The following SV2C variants were observed in gnomAD, a reference collection of about 807,000 sequenced individuals.
SV2C encodes the protein synaptic vesicle glycoprotein 2C.
A neutral mutation model predicts 79.7 loss-of-function variants in SV2C; 49 were observed. The observed-to-expected ratio is 0.61, with a 90% confidence interval of 0.49 to 0.78. SV2C has a LOEUF of 0.78. Among genes scored for constraint, SV2C ranks in the 30% least tolerant of loss-of-function variants. SV2C has a pLI of 0.00. For synonymous variants in SV2C, 334 were observed against 333.2 expected (o/e 1.00, Z -0.03); for missense variants, 833 against 912.9 (o/e 0.91, Z 1.13).
the SV2C span, among the ~76,000 whole-genome samples, chr5:75,893,932 A>G: frequency 6.6e-6 from 1 of 152,212 alleles, no homozygotes; most frequent in African/African-American, 2.4e-5. Flanking sequence ...CAGCCAGTCC[A>G]GTTGACTGGA....
chr5:75,949,902 C>G, the SV2C span, among the ~76,000 whole-genome samples: 2 of 151,968 alleles, frequency 1.3e-5, no homozygotes, highest in African/African-American at 2.4e-5. Flanking sequence ...TAAATTATAG[C>G]CCACAGGATT....
chr5:76,020,355 T>C, the SV2C span, among the ~76,000 whole-genome samples: 1 of 152,180 alleles, frequency 6.6e-6, no homozygotes, highest in African/African-American at 2.4e-5. Context: ...CCAATGGCCA[T>C]TGTATGTTTT....
At chr5:76,099,722 G>A (rs1747675064) in intron 1 of SV2C, among the ~76,000 whole-genome samples, 1 of 152,102 alleles carries the variant, frequency 6.6e-6, no homozygotes, top group African/African-American at 2.4e-5. Context: ...TTATGTTCAA[G>A]GTAGTTCAGC....
chr5:76,011,682 T>C, the SV2C span, among the ~76,000 whole-genome samples: 1 of 152,130 alleles, frequency 6.6e-6, no homozygotes, highest in East Asian at 1.9e-4. Flanking sequence ...TACATAGATA[T>C]ACACGTGCCA....
chr5:76,299,673 G>T (rs1263399227), intron 10 of SV2C, among the ~76,000 whole-genome samples: 1 of 152,218 alleles, frequency 6.6e-6, no homozygotes, highest in African/African-American at 2.4e-5. Context: ...TGCCTTCTTA[G>T]TGCTCAGACA....
At chr5:76,041,565 G>A in the SV2C span, among the ~76,000 whole-genome samples, 1 of 152,252 alleles carries the variant, frequency 6.6e-6, no homozygotes, top group Non-Finnish European at 1.5e-5. Flanking sequence ...GGGATCCCAG[G>A]TATTTAGAGA....
the SV2C span, among the ~76,000 whole-genome samples, chr5:75,921,820 G>C: frequency 7.2e-6 from 1 of 139,442 alleles, no homozygotes; most frequent in African/African-American, 2.5e-5. Context: ...TATATAGCAG[G>C]GTTTTTTTTT....
the SV2C span, among the ~76,000 whole-genome samples, chr5:75,907,570 C>A: frequency 6.6e-5 from 10 of 152,048 alleles, no homozygotes; most frequent in African/African-American, 2.2e-4. Flanking sequence ...ATAAGAATGA[C>A]CTATTTTGGG....
chr5:76,169,358 C>T (rs1743143825), intron 2 of SV2C, among the ~76,000 whole-genome samples: 1 of 152,152 alleles, frequency 6.6e-6, no homozygotes, highest in Non-Finnish European at 1.5e-5. Flanking sequence ...GGGCACTGTG[C>T]TTAGCATCTA....
intron 4 of SV2C, among the ~76,000 whole-genome samples, chr5:76,236,216 C>A (rs1355436582): frequency 6.6e-6 from 1 of 152,140 alleles, no homozygotes; most frequent in Non-Finnish European, 1.5e-5. Context: ...CTTCAGAATA[C>A]ATTTTACCTT....
chr5:75,919,324 C>T, the SV2C span, among the ~76,000 whole-genome samples: 2 of 152,186 alleles, frequency 1.3e-5, no homozygotes, highest in African/African-American at 4.8e-5. Flanking sequence ...CTCTGTTTTT[C>T]TTCTCTGGAC....
intron 3 of SV2C, among the ~76,000 whole-genome samples, chr5:76,203,477 C>T (rs544667538): frequency 4.6e-5 from 7 of 152,256 alleles, no homozygotes; most frequent in African/African-American, 1.7e-4. Context: ...CCTTTAGATG[C>T]TATGGGAAGG....
intron 12 of SV2C, among the ~76,000 whole-genome samples, chr5:76,344,393 A>G (rs1448259024): frequency 6.6e-6 from 1 of 152,144 alleles, no homozygotes; most frequent in African/African-American, 2.4e-5. Flanking sequence ...CTTTACAGAC[A>G]TTGTTTGTAT....
At chr5:75,982,132 A>C in the SV2C span, among the ~76,000 whole-genome samples, 34 of 151,052 alleles carry the variant, frequency 2.3e-4, 1 homozygote, top group African/African-American at 7.8e-4. Flanking sequence ...CTAATGCTAG[A>C]TGACGAGTTA....
At chr5:75,998,155 C>CA in the SV2C span, among the ~76,000 whole-genome samples, 1 of 151,880 alleles carries the variant, frequency 6.6e-6, no homozygotes, top group Middle Eastern at 3.4e-3. Context: ...AACACATGGA[C>CA]ACAGGAAGGG....
intron 1 of SV2C, among the ~76,000 whole-genome samples, chr5:76,124,002 A>G (rs891011828): frequency 3.9e-5 from 6 of 152,208 alleles, no homozygotes; most frequent in Non-Finnish European, 8.8e-5. Flanking sequence ...GATTGTCAAG[A>G]GTGGGCATCT....
chr5:76,103,097 A>G (rs942460663), intron 1 of SV2C, among the ~76,000 whole-genome samples: 3 of 152,216 alleles, frequency 2.0e-5, no homozygotes, highest in South Asian at 4.1e-4. Context: ...GTAAAAAAAA[A>G]TGGAGATTGC....
the SV2C span, among the ~76,000 whole-genome samples, chr5:75,948,638 G>C: frequency 2.6e-4 from 40 of 152,136 alleles, no homozygotes; most frequent in Admixed American, 1.0e-3. Flanking sequence ...GGCGACGTTT[G>C]TGTAGAAACC....
the SV2C span, chr5:75,910,941 G>T: frequency 1.1e-6 from 1 of 914,274 alleles, no homozygotes. Context: ...TCAAGCAGCA[G>T]CAGGCTCTCT....
Sources: allele counts gnomAD v4.1 joint callset (sites outside exome capture counted in the v4.1 genomes callset), GRCh38; gene constraint gnomAD v4.1.1; transcripts MANE v1.5; gene names NCBI Gene and HGNC (gene_info 2026-07-23, HGNC 2026-07-21).